The following DIS3L variants were observed in gnomAD, a reference collection of about 807,000 sequenced individuals.
The protein encoded by DIS3L is DIS3 like exosome 3'-5' exoribonuclease, also known as DIS3-like exonuclease 1.
A neutral mutation model predicts 120.3 loss-of-function variants in DIS3L; 100 were observed. The ratio of observed to expected loss-of-function variants is 0.83; its 90% CI spans 0.71 to 0.98. The LOEUF is 0.98. Ranked by LOEUF, DIS3L falls within the 50% of genes least tolerant of loss-of-function variation. The probability of loss-of-function intolerance (pLI) is 0.00; values close to 1 mark genes in which losing one functional copy is unlikely to be tolerated. For missense variants in DIS3L, 1,196 were observed against 1,314.2 expected (o/e 0.91, Z 1.39); for synonymous variants, 426 against 470.6 (o/e 0.91, Z 1.23).
intron 8 of DIS3L, among the ~76,000 whole-genome samples, chr15:66,319,439 A>C (rs1201967816): frequency 6.6e-6 from 1 of 152,232 alleles, no homozygotes; most frequent in East Asian, 1.9e-4. Flanking sequence ...TCCTCCAGCA[A>C]GCAATATAGA....
intron 2 of DIS3L, among the ~76,000 whole-genome samples, chr15:66,298,711 CTAA>C (rs2092616333): frequency 6.6e-6 from 1 of 152,220 alleles, no homozygotes. Flanking sequence ...GTTCTGCCAT[CTAA>C]TAATCTTCAA....
At chr15:66,304,741 A>C (rs562029430) in intron 2 of DIS3L, among the ~76,000 whole-genome samples, 2 of 151,540 alleles carry the variant, frequency 1.3e-5, no homozygotes, top group Admixed American at 1.3e-4. Context: ...TCTCTACTAA[A>C]AATACCAAAA....
rs2092929277 is a variant in DIS3L at position 66,325,811 on chromosome 15, C to G, written c.1668-20C>G. The G allele has an allele frequency of 6.4e-7, 1 of 1,570,376 alleles. No homozygotes were observed. The highest frequency in any genetic ancestry group is 8.6e-7 in the Non-Finnish European group (1 of 1,156,422). ...AGATGAATTTGAATAGTGATGTTGT[C>G]AATGTTACTGTTTTTGTAGGTATGC... is the stretch of plus-strand genomic sequence containing the variant. On this transcript the variant is annotated intron_variant, in intron 11 of 16. Coordinates refer to ENST00000319212, the MANE Select transcript of DIS3L (RefSeq NM_001143688.3).
intron 14 of DIS3L, chr15:66,330,350 C>A: frequency 1.0e-6 from 1 of 985,092 alleles, no homozygotes; most frequent in Non-Finnish European, 1.2e-6. Context: ...TTCATGTAAC[C>A]CAACTGTTAT....
At chr15:66,309,869 A>G (rs1052032863) in intron 4 of DIS3L, among the ~76,000 whole-genome samples, 4 of 152,116 alleles carry the variant, frequency 2.6e-5, no homozygotes, top group Non-Finnish European at 4.4e-5. Context: ...TTGAGATGTG[A>G]TATTATTTAT....
chr15:66,294,339 G>T, intron 1 of DIS3L: 1 of 985,536 alleles, frequency 1.0e-6, no homozygotes, highest in Non-Finnish European at 1.2e-6. Flanking sequence ...CCACAAGGGT[G>T]GCCGATAGAA....
At chr15:66,316,306 A>ACTTT (rs2092816307) in intron 7 of DIS3L, among the ~76,000 whole-genome samples, 1 of 134,398 alleles carries the variant, frequency 7.4e-6, no homozygotes, top group Non-Finnish European at 1.7e-5. Flanking sequence ...GTTATCCTTG[A>ACTTT]CTTTTTTTTT....
At chr15:66,320,755 G>A in intron 9 of DIS3L, 23 bp downstream of exon 9, 1 of 1,595,956 alleles carries the variant, frequency 6.3e-7, no homozygotes, top group Non-Finnish European at 8.5e-7. Flanking sequence ...AGAAGGCTTT[G>A]ATCTAGTGAC....
At chr15:66,330,466 C>T (rs375047197) in intron 14 of DIS3L, 39 of 985,208 alleles carry the variant, frequency 4.0e-5, no homozygotes, top group Middle Eastern at 5.2e-4. Flanking sequence ...TATTGGGTAA[C>T]GCAGGAAATT....
intron 7 of DIS3L, among the ~76,000 whole-genome samples, chr15:66,317,344 GGAAAAAAAAA>G (rs1405928370): frequency 2.5e-5 from 2 of 79,084 alleles, no homozygotes; most frequent in African/African-American, 1.1e-4. Flanking sequence ...AATATTTGTG[GGAAAAAAAAA>G]AAAAAAAAGA....
intron 1 of DIS3L, chr15:66,294,536 C>A: frequency 1.0e-6 from 1 of 990,004 alleles, no homozygotes; most frequent in Admixed American, 5.8e-5. Context: ...TTGCACGGAG[C>A]ATTTTCTCTG....
chr15:66,294,060 C>T (rs868301324), intron 1 of DIS3L: 6 of 986,514 alleles, frequency 6.1e-6, no homozygotes, highest in African/African-American at 3.5e-5. Context: ...GAGGCCTCCT[C>T]CCGCCGCAAC....
At chr15:66,324,952 T>G (rs1291945515) in intron 11 of DIS3L, among the ~76,000 whole-genome samples, 2 of 152,140 alleles carry the variant, frequency 1.3e-5, no homozygotes, top group South Asian at 2.1e-4. Context: ...GGCAAAGAGT[T>G]TTTTTACTAA....
rs555763741 is a variant in DIS3L at position 66,321,883 on chromosome 15, A to C, written c.1327-804A>C. Among the ~76,000 whole-genome samples the C allele has an allele frequency of 2.0e-5, 3 of 152,312 alleles. No individual in the cohort carries two copies. The South Asian group carries it at 6.2e-4, about 32-fold the overall frequency. ...GAGATTACCAAGTCAAAGGGTATAA[A>C]AGATTTAAATAGCTTCTAATATGTA... On this transcript the variant is annotated intron_variant, in intron 9 of 16. Coordinates refer to ENST00000319212, the MANE Select transcript of DIS3L (RefSeq NM_001143688.3).
intron 9 of DIS3L, among the ~76,000 whole-genome samples, chr15:66,321,587 C>A (rs1205878834): frequency 1.3e-5 from 2 of 151,952 alleles, no homozygotes; most frequent in Non-Finnish European, 2.9e-5. Flanking sequence ...CATGATGAAA[C>A]CCCGTCTCTA....
intron 2 of DIS3L, among the ~76,000 whole-genome samples, chr15:66,302,597 C>G (rs1205464685): frequency 6.6e-6 from 1 of 152,118 alleles, no homozygotes; most frequent in Non-Finnish European, 1.5e-5. Flanking sequence ...TGAAGTAAAG[C>G]CTTACTGTCT....
chr15:66,329,740 C>T, intron 14 of DIS3L: 1 of 989,326 alleles, frequency 1.0e-6, no homozygotes, highest in South Asian at 4.4e-5. Context: ...GGTGAAACCC[C>T]ATCTCTACAA....
At chr15:66,307,047 A>C in intron 3 of DIS3L, 95 bp downstream of exon 3, 1 of 1,476,602 alleles carries the variant, frequency 6.8e-7, no homozygotes, top group South Asian at 1.3e-5. Flanking sequence ...GTCTGCTAGA[A>C]CAAACCAACA....
chr15:66,301,527 C>T lies in DIS3L; in HGVS notation c.294-5297C>T, dbSNP rs555447932. ...AACTCCTGACCTCAAGTGATCCTCC[C>T]GCCTCGGTCTCCCAAAGTGCTAGGA... On this transcript the variant is annotated intron_variant, in intron 2 of 16. Transcript: ENST00000319212. Among the ~76,000 whole-genome samples, 3 of 152,056 alleles carry T rather than the reference C, an allele frequency of 2.0e-5. No individual in the cohort carries two copies. The East Asian group carries it at 5.8e-4, about 29-fold the overall frequency.
Sources: allele counts gnomAD v4.1 joint callset (sites outside exome capture counted in the v4.1 genomes callset), GRCh38; gene constraint gnomAD v4.1.1; transcripts MANE v1.5; gene names NCBI Gene and HGNC (gene_info 2026-07-23, HGNC 2026-07-21).